Variants in MAPK6 observed in about 807,000 individuals in gnomAD.
The protein encoded by MAPK6 is mitogen-activated protein kinase 6.
MAPK6 carries 19 observed loss-of-function variants against 59.3 expected under a neutral mutation model. The observed-to-expected ratio is 0.32, with a 90% CI of 0.22 to 0.47. MAPK6 has a LOEUF of 0.47. Ranked by LOEUF, MAPK6 falls within the 20% of genes least tolerant of loss-of-function variation. The probability of loss-of-function intolerance (pLI) is 1.00; values close to 1 mark genes in which losing one functional copy is unlikely to be tolerated. For missense variants in MAPK6, 724 were observed against 847.9 expected (o/e 0.85, Z 1.81); for synonymous variants, 316 against 290.3 (o/e 1.09, Z -0.90).
chr15:51,989,923 A>T (rs908933796), intron 2 of MAPK6, among the ~76,000 whole-genome samples: 9 of 152,172 alleles, frequency 5.9e-5, no homozygotes, highest in Admixed American at 2.6e-4. Flanking sequence ...TTAAACTGCC[A>T]ACTTGAATAA....
chr15:52,032,805 C>T (rs1162920559), intron 1 of MAPK6, among the ~76,000 whole-genome samples: 1 of 152,226 alleles, frequency 6.6e-6, no homozygotes, highest in East Asian at 1.9e-4. Flanking sequence ...CTGCCTCAAC[C>T]TCCCTAGCAG....
intron 2 of MAPK6, among the ~76,000 whole-genome samples, chr15:51,983,508 CA>C (rs200178591): frequency 2.1e-5 from 3 of 145,300 alleles, no homozygotes; most frequent in Admixed American, 1.4e-4. Context: ...ACGACAACAA[CA>C]AAAAAAAACA....
At chr15:51,995,853 G>A (rs1036979219) in intron 2 of MAPK6, among the ~76,000 whole-genome samples, 2 of 152,034 alleles carry the variant, frequency 1.3e-5, no homozygotes, top group African/African-American at 4.8e-5. Context: ...GCTTAAACCC[G>A]GGAGGCAGAG....
rs2031490336 is a variant in MAPK6 at position 52,043,456 on chromosome 15, C to T, written c.-631-2374C>T. ...GGGATTACAGGCACCTATCACCACG[C>T]TGGGCTGATTTTTGTATTTTTAGTA... On this transcript the variant is annotated intron_variant, in intron 1 of 5. Coordinates refer to ENST00000261845, the MANE Select transcript of MAPK6 (RefSeq NM_002748.4). 7.9e-5 allele frequency among the ~76,000 whole-genome samples: 12 copies of T among 151,904 alleles called. 1 individual carries two copies. The highest frequency in any genetic ancestry group is 7.9e-4 in the Admixed American group (12 of 15,248).
intron 1 of MAPK6, among the ~76,000 whole-genome samples, chr15:52,022,391 G>A (rs2030569870): frequency 6.6e-6 from 1 of 152,138 alleles, no homozygotes; most frequent in Admixed American, 6.5e-5. Context: ...CTCCGGAGGA[G>A]CTGGGACTAC....
chr15:51,986,994 T>C (rs1204396827), intron 2 of MAPK6, among the ~76,000 whole-genome samples: 1 of 152,174 alleles, frequency 6.6e-6, no homozygotes, highest in Admixed American at 6.6e-5. Context: ...CTCAAAGTCT[T>C]TAATGGCAGT....
At chr15:51,975,465 CG>C (rs2057154657) in intron 1 of MAPK6, among the ~76,000 whole-genome samples, 2 of 151,330 alleles carry the variant, frequency 1.3e-5, no homozygotes, top group Admixed American at 6.6e-5. Flanking sequence ...CGCTTGAATC[CG>C]GGAGGCGGAG....
At chr15:52,054,777 CAT>C (rs1019104083) in intron 3 of MAPK6, among the ~76,000 whole-genome samples, 15 of 147,928 alleles carry the variant, frequency 1.0e-4, no homozygotes, top group Non-Finnish European at 1.9e-4. Flanking sequence ...TACACACATA[CAT>C]ATATATATAA....
Position 52,066,881 on chromosome 15 carries a change from G to A in MAPK6, c.*1881G>A, listed in dbSNP as rs1404326222. 6.6e-6 allele frequency: 1 copy of A among 151,898 alleles called. No homozygotes were observed. Among genetic ancestry groups the A allele is most frequent in the East Asian group, 1.9e-4 (1 of 5,190 alleles). The allele number at this position is 151,898 out of a possible 1,614,324, so 9.4% of individuals were successfully genotyped here. ...AAATTACCTTAAGAGGACAAGCTCT[G>A]AAGTGCAGTCATGAGAATTGATTTG... On this transcript the variant is annotated 3_prime_UTR_variant, in exon 6 of 6. Transcript: ENST00000261845.
intron 2 of MAPK6, among the ~76,000 whole-genome samples, chr15:51,987,226 G>A (rs992626016): frequency 6.6e-6 from 1 of 152,192 alleles, no homozygotes. Context: ...AAATCGAACT[G>A]AGGAGGGAAT....
chr15:52,012,926 G>A (rs2030094181), intron 3 of MAPK6, among the ~76,000 whole-genome samples: 1 of 147,006 alleles, frequency 6.8e-6, no homozygotes. Flanking sequence ...GGCGGAGGTT[G>A]CAGTGAGACA....
intron 5 of MAPK6, among the ~76,000 whole-genome samples, chr15:52,063,296 C>T (rs2032278048): frequency 6.6e-6 from 1 of 152,220 alleles, no homozygotes; most frequent in Non-Finnish European, 1.5e-5. Flanking sequence ...CTCCTGACCT[C>T]AAGTGATCCA....
chr15:52,017,274 G>A (rs2030298315), upstream of MAPK6: 1 of 152,226 alleles, frequency 6.6e-6, no homozygotes, highest in African/African-American at 2.4e-5. Flanking sequence ...ACAGGTTTTG[G>A]GATAGGCAGT....
chr15:52,025,411 A>C (rs1030474826), intron 1 of MAPK6, among the ~76,000 whole-genome samples: 14 of 152,328 alleles, frequency 9.2e-5, no homozygotes, highest in Middle Eastern at 3.4e-3. Context: ...GTTCTGTGCT[A>C]TCCAGTGAGG....
upstream of MAPK6, among the ~76,000 whole-genome samples, chr15:52,014,585 T>C (rs2030179298): frequency 6.6e-6 from 1 of 151,508 alleles, no homozygotes; most frequent in Non-Finnish European, 1.5e-5. Flanking sequence ...TGCATGCCTG[T>C]AGTCCTAGCT....
At chr15:52,025,296 G>C (rs1006027707) in intron 1 of MAPK6, among the ~76,000 whole-genome samples, 1 of 152,118 alleles carries the variant, frequency 6.6e-6, no homozygotes, top group Non-Finnish European at 1.5e-5. Flanking sequence ...TGCTCAGCTC[G>C]TTAGTCTTCT....
intron 5 of MAPK6, among the ~76,000 whole-genome samples, chr15:52,063,700 C>CAT (rs1192896240): frequency 6.6e-6 from 1 of 152,176 alleles, no homozygotes; most frequent in African/African-American, 2.4e-5. Context: ...AATGAAGTTA[C>CAT]ATACTGCATT....
At chr15:52,011,188 C>A (rs1474120388) in intron 3 of MAPK6, 1 of 152,202 alleles carries the variant, frequency 6.6e-6, no homozygotes. Flanking sequence ...AACTCTCGTA[C>A]TGTAAACGAG....
intron 1 of MAPK6, among the ~76,000 whole-genome samples, chr15:52,028,608 G>A (rs1052031763): frequency 2.0e-5 from 3 of 152,192 alleles, no homozygotes; most frequent in African/African-American, 4.8e-5. Context: ...CAGTTGTTCA[G>A]TAGCCATATA....
Sources: gnomAD v4.1 joint callset for allele counts (sites outside exome capture counted in the v4.1 genomes callset) on GRCh38, gnomAD v4.1.1 for gene constraint, MANE v1.5 for transcripts, NCBI Gene and HGNC (gene_info 2026-07-23, HGNC 2026-07-21) for gene names.